The following CEACAM7 variants were observed in gnomAD, a reference collection of about 807,000 sequenced individuals.
CEACAM7 encodes the protein CEA cell adhesion molecule 7.
Under a neutral mutation model 25.7 loss-of-function variants are expected in CEACAM7, and 24 were observed. That is an observed-to-expected ratio of 0.93 (90% confidence interval 0.68 to 1.31). The LOEUF (loss-of-function observed/expected upper bound fraction) is 1.31. Among genes scored for constraint, CEACAM7 ranks in the 40% most tolerant of loss-of-function variants. The pLI, the probability that CEACAM7 is intolerant of heterozygous loss-of-function variation, is 0.00. For missense variants in CEACAM7, 324 were observed against 330.1 expected, an observed-to-expected ratio of 0.98 and a Z score of 0.14; for synonymous variants, 144 against 129.4, an observed-to-expected ratio of 1.11 and a Z score of -0.77.
At chr19:41,680,883 C>G (rs139497008) in intron 3 of CEACAM7, among the ~76,000 whole-genome samples, 1 of 151,278 alleles carries the variant, frequency 6.6e-6, no homozygotes, top group Non-Finnish European at 1.5e-5. Context: ...GGCTATGACA[C>G]CCAAAGCACA....
At chr19:41,678,390 T>C (rs1555810360) in intron 3 of CEACAM7, among the ~76,000 whole-genome samples, 1 of 152,120 alleles carries the variant, frequency 6.6e-6, no homozygotes, top group East Asian at 1.9e-4. Context: ...TGAATATATA[T>C]ATGCACATGT....
intron 2 of CEACAM7, 87 bp downstream of exon 2, chr19:41,686,772 A>C: frequency 7.2e-7 from 1 of 1,392,594 alleles, no homozygotes; most frequent in Non-Finnish European, 9.7e-7. Context: ...GTAGATGGGG[A>C]CACAGGCACA....
At chr19:41,677,624 G>A (rs2072128894) in intron 3 of CEACAM7, 121 bp from the exon 4 acceptor site, 2 of 638,866 alleles carry the variant, frequency 3.1e-6, no homozygotes, top group Non-Finnish European at 5.4e-6. Context: ...CATTATTTTT[G>A]TGGGAAGGTT....
Position 41,674,671 on chromosome 19 carries a change from GC to G in CEACAM7, c.*104del. On this transcript the variant is annotated 3_prime_UTR_variant, in exon 5 of 5. Transcript: ENST00000401731. ...CAGCTTATAGGTCTTCAGGAAGAGA[GC>G]AGGTCTTATACTTAGTGATGCCACA... 3.0e-6 allele frequency: 1 copy of G among 332,534 alleles called. No individual in the cohort carries two copies. Among genetic ancestry groups the G allele is most frequent in the Non-Finnish European group, 6.0e-6 (1 of 167,036 alleles). The allele number at this position is 332,534 out of a possible 1,614,324, so 20.6% of individuals were successfully genotyped here. A position where few individuals can be genotyped will look rare whatever the true frequency, so the allele number is the denominator to read the frequency against.
At chr19:41,685,167 G>A (rs1164290531) in intron 2 of CEACAM7, among the ~76,000 whole-genome samples, 1 of 152,214 alleles carries the variant, frequency 6.6e-6, no homozygotes, top group African/African-American at 2.4e-5. Context: ...TGGGTGGAAT[G>A]AACCCATGGG....
chr19:41,687,514 C>G (rs1020948142), intron 1 of CEACAM7, among the ~76,000 whole-genome samples: 4 of 152,230 alleles, frequency 2.6e-5, no homozygotes, highest in African/African-American at 9.7e-5. Flanking sequence ...GACACCTTCT[C>G]TAGAAGCCCT....
At chr19:41,676,027 G>A (rs1315223667) in intron 4 of CEACAM7, among the ~76,000 whole-genome samples, 1 of 152,108 alleles carries the variant, frequency 6.6e-6, no homozygotes, top group East Asian at 1.9e-4. Flanking sequence ...AACAAATATG[G>A]CCAACAATGT....
intron 3 of CEACAM7, among the ~76,000 whole-genome samples, chr19:41,679,275 A>G (rs548726566): frequency 2.6e-5 from 4 of 152,304 alleles, no homozygotes; most frequent in African/African-American, 9.6e-5. Flanking sequence ...TCCCAGAAAC[A>G]TAAAACCTTC....
chr19:41,683,667 TGG>T, intron 3 of CEACAM7, 116 bp downstream of exon 3: 2 of 1,450,206 alleles, frequency 1.4e-6, no homozygotes, highest in South Asian at 2.6e-5. Flanking sequence ...ATGGCCAGCC[TGG>T]GTGCCTAGAG....
chr19:41,677,467 G>A lies in CEACAM7; in HGVS notation c.743C>T (p.Ala248Val). The change falls in exon 4 of 5, where the codon GCT (alanine) becomes GTT (valine). Residue 248 changes from alanine to valine, a missense_variant. Coordinates refer to ENST00000401731, the MANE Select transcript of CEACAM7 (RefSeq NM_001291485.2). ...SVQASSPDLS[A>V]GTAVSIMIGV... ...AATCATGATGCTGACAGCGGTCCCA[G>A]CTGAGAGGTCAGGTGAACTTGCTTG... 1.2e-6 allele frequency: 2 copies of A among 1,614,070 alleles called. No individual in the cohort carries two copies. Among genetic ancestry groups the A allele is most frequent in the Non-Finnish European group, 8.5e-7 (1 of 1,179,886 alleles).
chr19:41,687,257 C>T lies in CEACAM7; in HGVS notation c.65-36G>A, dbSNP rs782583177. 5 of 1,550,256 alleles carry T rather than the reference C, an allele frequency of 3.2e-6. No homozygotes were observed. The South Asian group carries it at 6.3e-5, about 19-fold the overall frequency. On this transcript the variant is annotated intron_variant, in intron 1 of 4. Coordinates refer to ENST00000401731, the MANE Select transcript of CEACAM7 (RefSeq NM_001291485.2). The stretch of plus-strand genomic sequence containing the variant: ...GAGAGAACATCAGTCAATATTGGGA[C>T]CTATGTATTGGGGTGGAAAGATGGG...
chr19:41,677,912 C>T (rs2072131742), intron 3 of CEACAM7, among the ~76,000 whole-genome samples: 1 of 152,178 alleles, frequency 6.6e-6, no homozygotes, highest in African/African-American at 2.4e-5. Flanking sequence ...TTCCCATGGG[C>T]TCCCAGCAGG....
At chr19:41,688,052 C>A in intron 1 of CEACAM7, 50 bp downstream of exon 1, 2 of 1,549,668 alleles carry the variant, frequency 1.3e-6, no homozygotes, top group Admixed American at 1.8e-5. Flanking sequence ...AGACCCCAGC[C>A]AGTCTCTCTG....
At chr19:41,678,715 A>T (rs1161177980) in intron 3 of CEACAM7, among the ~76,000 whole-genome samples, 4 of 152,252 alleles carry the variant, frequency 2.6e-5, no homozygotes, top group Admixed American at 1.3e-4. Context: ...AAGGCTAATA[A>T]TAATGGTAGC....
At chr19:41,681,117 C>A (rs1406275527) in intron 3 of CEACAM7, among the ~76,000 whole-genome samples, 1 of 152,100 alleles carries the variant, frequency 6.6e-6, no homozygotes, top group Admixed American at 6.6e-5. Flanking sequence ...AGGACTAAAA[C>A]AGAGATTTCT....
intron 2 of CEACAM7, 28 bp from the exon 3 acceptor site, chr19:41,684,091 G>C (rs370236718): frequency 5.9e-5 from 93 of 1,567,240 alleles, no homozygotes; most frequent in Non-Finnish European, 8.0e-5. Context: ...AGAAAAGATT[G>C]CCCTGTGTGG....
intron 1 of CEACAM7, 30 bp from the exon 2 acceptor site, chr19:41,687,251 T>C (rs2072237801): frequency 1.9e-6 from 3 of 1,558,214 alleles, no homozygotes; most frequent in Non-Finnish European, 2.6e-6. Context: ...TCAGTCAATA[T>C]TGGGACCTAT....
intron 1 of CEACAM7, among the ~76,000 whole-genome samples, chr19:41,687,659 T>C (rs118150862): frequency 6.6e-6 from 1 of 152,210 alleles, no homozygotes; most frequent in Admixed American, 6.5e-5. Flanking sequence ...GGCAGGGACT[T>C]GTGTGAACTG....
At chr19:41,682,983 G>T (rs1245226732) in intron 3 of CEACAM7, among the ~76,000 whole-genome samples, 1 of 152,194 alleles carries the variant, frequency 6.6e-6, no homozygotes, top group African/African-American at 2.4e-5. Flanking sequence ...CAGGGAGGAG[G>T]GTCTGCAGAG....
Sources: allele counts gnomAD v4.1 joint callset (sites outside exome capture counted in the v4.1 genomes callset), GRCh38; gene constraint gnomAD v4.1.1; transcripts MANE v1.5; gene names NCBI Gene and HGNC (gene_info 2026-07-23, HGNC 2026-07-21).